Variants in MICAL2 observed in about 807,000 individuals in gnomAD.
The protein encoded by MICAL2 is [F-actin]-monooxygenase MICAL2.
Under a neutral mutation model 127.3 loss-of-function variants are expected in MICAL2, and 77 were observed. The ratio of observed to expected loss-of-function variants is 0.60; its 90% CI spans 0.50 to 0.73. The LOEUF (loss-of-function observed/expected upper bound fraction) is 0.73. MICAL2 is among the 30% of genes least tolerant of loss of function. The pLI is 0.00. For synonymous variants in MICAL2, 570 were observed against 551.1 expected (o/e 1.03, Z -0.48); for missense variants, 1,351 against 1,434.4 (o/e 0.94, Z 0.94).
Position 12,146,453 on chromosome 11 carries a change from G to A in MICAL2, c.-78+7993G>A, listed in dbSNP as rs138498391. The stretch of plus-strand genomic sequence containing the variant: ...AGACATTTATGCAGACAACAGACAC[G>A]TGAAAAAATGCTCATCATCACTGGC... On this transcript the variant is annotated intron_variant, in intron 2 of 27. Coordinates refer to ENST00000683283, the MANE Select transcript of MICAL2 (RefSeq NM_001282663.2). Among the ~76,000 whole-genome samples, 1,364 of 152,264 alleles carry A rather than the reference G, an allele frequency of 9.0e-3. 25 individuals are homozygous for A. The highest frequency in any genetic ancestry group is 0.031 in the African/African-American group (1,293 of 41,544).
intron 2 of MICAL2, among the ~76,000 whole-genome samples, chr11:12,283,733 T>G (rs905013138): frequency 2.6e-5 from 4 of 152,202 alleles, no homozygotes; most frequent in African/African-American, 9.7e-5. Context: ...GTATATTATT[T>G]TCCACAATTT....
At chr11:12,256,711 C>T (rs1862373581) in intron 23 of MICAL2, 74 bp from the exon 24 acceptor site, 3 of 1,387,524 alleles carry the variant, frequency 2.2e-6, no homozygotes, top group Non-Finnish European at 2.9e-6. Flanking sequence ...TGTGGAATTT[C>T]TAAAAGCCTT....
chr11:12,339,904 TGAG>T (rs1412182774), intron 32 of MICAL2, among the ~76,000 whole-genome samples: 1 of 152,164 alleles, frequency 6.6e-6, no homozygotes, highest in African/African-American at 2.4e-5. Context: ...GGGACCCACT[TGAG>T]GAGGCAGTCT....
At chr11:12,155,324 G>A (rs11824654) in intron 2 of MICAL2, among the ~76,000 whole-genome samples, 2,041 of 151,844 alleles carry the variant, frequency 0.013, 51 homozygotes, top group African/African-American at 0.046. Context: ...ACACACACAC[G>A]CACATATACA....
At chr11:12,202,747 T>C (rs1854176035) in intron 3 of MICAL2, among the ~76,000 whole-genome samples, 1 of 152,240 alleles carries the variant, frequency 6.6e-6, no homozygotes, top group African/African-American at 2.4e-5. Context: ...TTTACACCAG[T>C]AGGTGCCAAG....
intron 29 of MICAL2, among the ~76,000 whole-genome samples, chr11:12,316,745 A>G (rs1382672511): frequency 6.6e-6 from 1 of 152,090 alleles, no homozygotes; most frequent in African/African-American, 2.4e-5. Flanking sequence ...TAGCATGTCT[A>G]TGTTTTGTTT....
chr11:12,184,672 G>C (rs1433761781), intron 3 of MICAL2, among the ~76,000 whole-genome samples: 1 of 152,182 alleles, frequency 6.6e-6, no homozygotes, highest in Non-Finnish European at 1.5e-5. Context: ...GAGCTTAGGA[G>C]AATCATTGTT....
chr11:12,223,573 C>T (rs750935466), intron 12 of MICAL2, 72 bp downstream of exon 12: 127 of 1,365,762 alleles, frequency 9.3e-5, no homozygotes, highest in Middle Eastern at 4.9e-4. Flanking sequence ...GCTCAGTGAC[C>T]GTGGTGACAC....
At chr11:12,303,592 T>G (rs1343404158) in intron 29 of MICAL2, 1 of 152,236 alleles carries the variant, frequency 6.6e-6, no homozygotes, top group African/African-American at 2.4e-5. Context: ...GTAAAACATC[T>G]CATTAATAAT....
At chr11:12,233,059 A>AT (rs1305936020) in intron 15 of MICAL2, among the ~76,000 whole-genome samples, 1 of 152,184 alleles carries the variant, frequency 6.6e-6, no homozygotes, top group Non-Finnish European at 1.5e-5. Context: ...AAAAAACAGC[A>AT]TATCTAGGGT....
In MICAL2 at chr11:12,224,765, T is replaced by C. The variant is rs1857218132; in HGVS notation, c.1633T>C (p.Trp545Arg). Residue 545 changes from tryptophan (W) to arginine (R), a missense_variant, in exon 13 of 28, where the codon TGG becomes CGG. Trp to Arg is a moderately radical substitution (Grantham distance 101). Transcript: ENST00000683283. ...HVNVTDLTTS[W>R]RSGLALCAII... The stretch of plus-strand genomic sequence containing the variant: ...CAACGTCACCGACCTGACCACATCC[T>C]GGCGCAGTGGGTTGGCCCTGTGTGC... 6.2e-7 allele frequency: 1 copy of C among 1,614,100 alleles called. No homozygotes were observed. The highest frequency in any genetic ancestry group is 8.5e-7 in the Non-Finnish European group (1 of 1,180,040).
At chr11:12,340,646 A>C (rs1938848194) in intron 32 of MICAL2, among the ~76,000 whole-genome samples, 1 of 152,254 alleles carries the variant, frequency 6.6e-6, no homozygotes, top group African/African-American at 2.4e-5. Flanking sequence ...ATATCCATTA[A>C]CAGGAAAATG....
At chr11:12,288,079 C>A (rs919622629), downstream of MICAL2, among the ~76,000 whole-genome samples, 2 of 152,242 alleles carry the variant, frequency 1.3e-5, no homozygotes, top group Admixed American at 1.3e-4. Flanking sequence ...CCCAGACGCA[C>A]CACCGTCACA....
intron 2 of MICAL2, among the ~76,000 whole-genome samples, chr11:12,155,555 C>T (rs887312079): frequency 6.6e-6 from 1 of 152,120 alleles, no homozygotes; most frequent in Non-Finnish European, 1.5e-5. Flanking sequence ...CACACACATA[C>T]ATACACACAT....
At chr11:12,180,335 G>GTATATATATATATATATATATATA (rs1554968135) in intron 3 of MICAL2, among the ~76,000 whole-genome samples, 14 of 126,380 alleles carry the variant, frequency 1.1e-4, no homozygotes, top group South Asian at 3.0e-4. Flanking sequence ...TTATATACAT[G>GTATATATATATATATATATATATA]TATATATGTA....
At chr11:12,125,029 C>G (rs1024247813) in intron 1 of MICAL2, among the ~76,000 whole-genome samples, 1 of 152,214 alleles carries the variant, frequency 6.6e-6, no homozygotes, top group African/African-American at 2.4e-5. Context: ...GATGATGAAA[C>G]TCTCTGCAAA....
rs574323944 is a variant in MICAL2 at position 12,118,181 on chromosome 11, C to T, written c.-149+7455C>T. Among the ~76,000 whole-genome samples, 9 of 152,284 alleles carry T rather than the reference C, an allele frequency of 5.9e-5. No individual in the cohort carries two copies. The East Asian group carries it at 1.5e-3, about 26-fold the overall frequency. On this transcript the variant is annotated intron_variant, in intron 1 of 27. Transcript: ENST00000683283. Reference sequence around the variant, plus strand: ...CTTGGGCTTTCTTAAAAGTGACTTACCCACACATACATACATATGTGTGTG... The same window carrying T: ...CTTGGGCTTTCTTAAAAGTGACTTATCCACACATACATACATATGTGTGTG...
chr11:12,334,233 T>C (rs1302085872), intron 32 of MICAL2, among the ~76,000 whole-genome samples: 2 of 152,150 alleles, frequency 1.3e-5, no homozygotes, highest in African/African-American at 2.4e-5. Context: ...GTCCCTGATA[T>C]AAAATGGCGT....
At chr11:12,349,788 T>G (rs781679267) in intron 32 of MICAL2, 1 of 1,572,204 alleles carries the variant, frequency 6.4e-7, no homozygotes, top group Non-Finnish European at 8.8e-7. Context: ...AGTTTGATCA[T>G]GGGGAGAGAA....
Sources: allele counts gnomAD v4.1 joint callset (sites outside exome capture counted in the v4.1 genomes callset), GRCh38; gene constraint gnomAD v4.1.1; transcripts MANE v1.5; gene names NCBI Gene and HGNC (gene_info 2026-07-23, HGNC 2026-07-21).